Variants in RHOT2 observed in about 807,000 individuals in gnomAD.
RHOT2 encodes ras homolog family member T2, also known as mitochondrial Rho GTPase 2.
In RHOT2, 90 loss-of-function variants were observed where a neutral mutation model predicts 81.6. The observed-to-expected ratio is 1.10, with a 90% confidence interval of 0.93 to 1.31. RHOT2 has a LOEUF of 1.31. Among genes scored for constraint, RHOT2 ranks in the 40% most tolerant of loss-of-function variants. RHOT2 has a pLI of 0.00. For missense variants in RHOT2, 1,014 were observed against 841.9 expected, an observed-to-expected ratio of 1.20 and a Z score of -2.53; for synonymous variants, 512 against 370.9, an observed-to-expected ratio of 1.38 and a Z score of -4.37.
chr16:668,239 A>G lies in RHOT2; in HGVS notation c.37+3A>G, dbSNP rs1293353681. ...GCGCATCCTGTTACTGGGCGAGGGT[A>G]GGCGCCGGCCCGGGGGTCTCGGAGC... is the stretch of plus-strand genomic sequence containing the variant. On this transcript the variant is annotated splice_donor_region_variant and intron_variant, in intron 1 of 18. Coordinates refer to ENST00000315082, the MANE Select transcript of RHOT2 (RefSeq NM_138769.3). 9.0e-6 allele frequency: 6 copies of G among 666,368 alleles called. No individual in the cohort carries two copies. The highest frequency in any genetic ancestry group is 3.9e-5 in the Admixed American group (1 of 25,874). 41.3% of individuals were successfully genotyped at this position (666,368 alleles called of 1,614,324 possible).
At chr16:671,420 G>GGGGGGGGGGC (rs2151473144) in intron 11 of RHOT2, 3 of 520,622 alleles carry the variant, frequency 5.8e-6, no homozygotes, top group East Asian at 3.4e-5. Flanking sequence ...GGGTGGGGGG[G>GGGGGGGGGGC]CTGGCCCTTT....
chr16:671,301 C>A, intron 11 of RHOT2, 98 bp downstream of exon 11: 1 of 1,464,276 alleles, frequency 6.8e-7, no homozygotes, highest in Non-Finnish European at 9.0e-7. Flanking sequence ...GGTTTGAGGC[C>A]TGCCCTCCCT....
Position 672,584 on chromosome 16 carries a change from GCGGCCTGTGCC to G in RHOT2, c.1404+21_1404+31del. On this transcript the variant is annotated intron_variant, in intron 16 of 18. Transcript: ENST00000315082. ...ACTTGATCGTGAGTGCTGGGGCGGC[GCGGCCTGTGCC>G]CGAGGGTGGACCCGGGGACACCCAG... 6.2e-7 allele frequency: 1 copy of G among 1,611,934 alleles called. No individual in the cohort carries two copies. The highest frequency in any genetic ancestry group is 8.5e-7 in the Non-Finnish European group (1 of 1,179,470).
At chr16:668,319 T>TGAAAAAA in intron 1 of RHOT2, 34 bp from the exon 2 acceptor site, 16 of 1,292,806 alleles carry the variant, frequency 1.2e-5, no homozygotes, top group South Asian at 2.3e-5. Flanking sequence ...CGCCGTGACC[T>TGAAAAAA]TGGCCCTCGC....
At position 672,357 on chromosome 16, in the gene RHOT2, G is replaced by A. The variant is rs774149606; in HGVS notation, c.1299G>A (p.Leu433=). ...GTGGAGTGGGCAAGTCTGCCTTCCTGCAGGCCTTTCTCGGCCGCGGCCTGG... is the reference window on the plus strand; with the variant it reads ...GTGGAGTGGGCAAGTCTGCCTTCCTACAGGCCTTTCTCGGCCGCGGCCTGG... ...GARGVGKSAF[L]QAFLGRGLGH... The change falls in exon 15 of 19, where the codon CTG becomes CTA. Residue 433 remains leucine, a synonymous_variant. Coordinates refer to ENST00000315082, the MANE Select transcript of RHOT2 (RefSeq NM_138769.3). 33 of 1,611,262 alleles carry A rather than the reference G, an allele frequency of 2.0e-5. No homozygotes were observed. The South Asian group carries it at 3.1e-4, about 15-fold the overall frequency.
intron 11 of RHOT2, 127 bp downstream of exon 11, chr16:671,330 C>A (rs954614644): frequency 1.0e-5 from 14 of 1,370,578 alleles, no homozygotes; most frequent in African/African-American, 7.3e-5. Context: ...GTGAAGGTCT[C>A]GCTCAGCAGG....
intron 4 of RHOT2, chr16:668,974 C>G: frequency 3.8e-6 from 2 of 521,070 alleles, no homozygotes; most frequent in East Asian, 3.4e-5. Flanking sequence ...CCTGTGGGCT[C>G]TGTGTGCGCC....
intron 11 of RHOT2, among the ~76,000 whole-genome samples, 185 bp from the exon 12 acceptor site, chr16:671,512 C>G (rs1325622661): frequency 6.6e-6 from 1 of 152,194 alleles, no homozygotes; most frequent in Non-Finnish European, 1.5e-5. Flanking sequence ...CCAGGCCTCC[C>G]ACGTGCTGGA....
At chr16:669,087 C>T in intron 4 of RHOT2, 3 of 390,630 alleles carry the variant, frequency 7.7e-6, no homozygotes, top group Non-Finnish European at 1.4e-5. Context: ...GGCAAGGGCA[C>T]AGGCCACAGC....
intron 4 of RHOT2, 145 bp downstream of exon 4, chr16:668,844 C>T (rs1406712960): frequency 1.2e-6 from 1 of 804,958 alleles, no homozygotes; most frequent in Non-Finnish European, 1.9e-6. Flanking sequence ...TGTCGGGGCC[C>T]CTACAGCGCA....
intron 4 of RHOT2, chr16:669,257 C>T: frequency 1.9e-6 from 1 of 526,572 alleles, no homozygotes; most frequent in Non-Finnish European, 3.4e-6. Flanking sequence ...AAGGGTCTTG[C>T]TGACCACAGT....
Position 668,376 on chromosome 16 carries a change from ATCCTGTCCCTGG to A in RHOT2, c.63_74del (p.Ile21_Val25delinsMet). 6.9e-7 allele frequency: 1 copy of A among 1,449,618 alleles called. No individual in the cohort carries two copies. The highest frequency in any genetic ancestry group is 1.4e-5 in the South Asian group (1 of 69,988). 89.8% of individuals were successfully genotyped at this position (1,449,618 alleles called of 1,614,324 possible). A position where few individuals can be genotyped will look rare whatever the true frequency, so the allele number is the denominator to read the frequency against. On this transcript the variant is annotated inframe_deletion, in exon 2 of 19. Transcript: ENST00000315082. ...AGCCCAGGTGGGGAAGACGTCGCTG[ATCCTGTCCCTGG>A]TGGGCGAGGAGTTCCCCGAGGAGGT...
intron 15 of RHOT2, 34 bp downstream of exon 15, chr16:672,418 G>T (rs139146073): frequency 1.9e-6 from 3 of 1,602,464 alleles, no homozygotes; most frequent in Admixed American, 1.7e-5. Flanking sequence ...CACCCCAGGG[G>T]CTCCAGGGGC....
chr16:671,839 A>G, intron 12 of RHOT2, 21 bp from the exon 13 acceptor site: 7 of 1,424,056 alleles, frequency 4.9e-6, no homozygotes, highest in Non-Finnish European at 6.5e-6. Flanking sequence ...CACACACATC[A>G]CCACATCCCT....
chr16:671,704 G>C lies in RHOT2; in HGVS notation c.877G>C (p.Val293Leu). The change falls in exon 12 of 19, where the codon GTG becomes CTG. Residue 293 changes from valine to leucine, a missense_variant. Val to Leu is a conservative substitution (Grantham distance 32). Coordinates refer to ENST00000315082, the MANE Select transcript of RHOT2 (RefSeq NM_138769.3). ...GCTGTGGCCTCCCTGCAGGATCCAC[G>C]TGCCCCCCGGCTGCAGCACGGAGCT... Reference protein sequence around the residue: ...TADYLSPLIHVPPGCSTELNH... With the variant: ...TADYLSPLIHLPPGCSTELNH... 1 of 1,611,990 alleles carries C rather than the reference G, an allele frequency of 6.2e-7. No homozygotes were observed. The highest frequency in any genetic ancestry group is 8.5e-7 in the Non-Finnish European group (1 of 1,179,462).
At position 668,412 on chromosome 16, in the gene RHOT2, G is replaced by A; in HGVS notation, c.96+1G>A. 2 of 1,519,350 alleles carry A rather than the reference G, an allele frequency of 1.3e-6. No homozygotes were observed. The highest frequency in any genetic ancestry group is 8.8e-7 in the Non-Finnish European group (1 of 1,138,964). 94.1% of individuals were successfully genotyped at this position (1,519,350 alleles called of 1,614,324 possible). ...GGTGGGCGAGGAGTTCCCCGAGGAG[G>A]TAAGGGGCACGCCCGCCGCGGGGGT... is the stretch of plus-strand genomic sequence containing the variant. On this transcript the variant is annotated splice_donor_variant, in intron 2 of 18. Coordinates refer to ENST00000315082, the MANE Select transcript of RHOT2 (RefSeq NM_138769.3). LOFTEE classifies it high-confidence loss of function.
In RHOT2 at chr16:670,415, C is replaced by G. The variant is rs765655706; in HGVS notation, c.439-41C>G. On this transcript the variant is annotated intron_variant, in intron 7 of 18. Coordinates refer to ENST00000315082, the MANE Select transcript of RHOT2 (RefSeq NM_138769.3). ...ATTCCTTGTGTTCTCAGTCGGTGCC[C>G]TCCTCGGGGCACTTCCCTGAGGCTG... The G allele has an allele frequency of 7.5e-6, 12 of 1,607,696 alleles. No individual in the cohort carries two copies. In the South Asian group the frequency reaches 1.2e-4, roughly 16 times the overall value.
intron 1 of RHOT2, 51 bp from the exon 2 acceptor site, chr16:668,302 C>T: frequency 1.5e-6 from 2 of 1,302,316 alleles, no homozygotes; most frequent in Non-Finnish European, 2.0e-6. Flanking sequence ...TCTCGGGGGT[C>T]GGGGGGCGCC....
At position 673,610 on chromosome 16, in the gene RHOT2, C is replaced by T. The variant is rs752623647; in HGVS notation, c.*4C>T. On this transcript the variant is annotated 3_prime_UTR_variant, in exon 19 of 19. Coordinates refer to ENST00000315082, the MANE Select transcript of RHOT2 (RefSeq NM_138769.3). ...GGTCCTGGTGAAGAGCCAGTGAGGCCCCTGGTACCCAAGCCCCCTCCCCTG... is the reference window on the plus strand; with the variant it reads ...GGTCCTGGTGAAGAGCCAGTGAGGCTCCTGGTACCCAAGCCCCCTCCCCTG... 1 of 1,603,728 alleles carries T rather than the reference C, an allele frequency of 6.2e-7. No individual in the cohort carries two copies. Among genetic ancestry groups the T allele is most frequent in the South Asian group, 1.1e-5 (1 of 90,586 alleles).
Sources: allele counts gnomAD v4.1 joint callset (sites outside exome capture counted in the v4.1 genomes callset), GRCh38; gene constraint gnomAD v4.1.1; transcripts MANE v1.5; gene names NCBI Gene and HGNC (gene_info 2026-07-23, HGNC 2026-07-21).